CRPPA: variants seen among roughly 807,000 people sequenced by gnomAD.
The protein encoded by CRPPA is D-ribitol-5-phosphate cytidylyltransferase.
CRPPA carries 43 observed loss-of-function variants against 52.0 expected under a neutral mutation model. That is an observed-to-expected ratio of 0.83 (90% confidence interval 0.65 to 1.07). CRPPA has a LOEUF of 1.07. CRPPA is among the 50% of genes least tolerant of loss of function. CRPPA has a pLI of 0.00. For synonymous variants in CRPPA, 250 were observed against 203.5 expected, an observed-to-expected ratio of 1.23 and a Z score of -1.94; for missense variants, 629 against 551.7, an observed-to-expected ratio of 1.14 and a Z score of -1.40.
chr7:16,235,379 C>A (rs983981953), intron 8 of CRPPA, among the ~76,000 whole-genome samples: 1 of 151,818 alleles, frequency 6.6e-6, no homozygotes, highest in Non-Finnish European at 1.5e-5. Context: ...AAAGAAATGC[C>A]TAACACATGC....
rs114020698 is a variant in CRPPA, at chr7:16,170,886, G to A, written c.1251+45180C>T. ...CGAGTGTGGGGGTCCCTTCAGCCCA[G>A]GCCCACCCGGAACTTGCACTGGCCT... On this transcript the variant is annotated intron_variant, in intron 9 of 9. Coordinates refer to ENST00000407010, the MANE Select transcript of CRPPA (RefSeq NM_001101426.4). 7.0e-3 allele frequency among the ~76,000 whole-genome samples: 1,061 copies of A among 152,314 alleles called. 15 individuals carry two copies. The highest frequency in any genetic ancestry group is 0.024 in the African/African-American group (1,014 of 41,562).
At chr7:16,314,824 C>T (rs537363783) in intron 3 of CRPPA, among the ~76,000 whole-genome samples, 1 of 151,986 alleles carries the variant, frequency 6.6e-6, no homozygotes, top group East Asian at 1.9e-4. Context: ...TTGTCTTTTG[C>T]TTTTGTGTAG....
intron 3 of CRPPA, among the ~76,000 whole-genome samples, chr7:16,374,295 C>A (rs529022751): frequency 1.3e-5 from 2 of 152,236 alleles, no homozygotes; most frequent in Middle Eastern, 3.4e-3. Context: ...TACTCCTGTT[C>A]CCTCTGCCCT....
intron 1 of CRPPA, among the ~76,000 whole-genome samples, chr7:16,418,651 T>C (rs1355619633): frequency 6.6e-6 from 1 of 152,132 alleles, no homozygotes; most frequent in Non-Finnish European, 1.5e-5. Flanking sequence ...CCAGATCTCA[T>C]GAGAACTCAC....
Position 16,413,871 on chromosome 7 carries a change from C to T in CRPPA, c.257+7195G>A, listed in dbSNP as rs117084850. ...CATAATATAAACACATACAGATCTA[C>T]AAAAGTGATTTTTCTCCCCAAATTT... On this transcript the variant is annotated intron_variant, in intron 1 of 9. Transcript: ENST00000407010. Among the ~76,000 whole-genome samples the T allele has an allele frequency of 1.9e-3, 285 of 152,196 alleles. 1 individual carries two copies. Among genetic ancestry groups the T allele is most frequent in the Non-Finnish European group, 2.9e-3 (200 of 68,010 alleles).
intron 6 of CRPPA, among the ~76,000 whole-genome samples, chr7:16,264,193 T>C (rs186798455): frequency 3.9e-4 from 60 of 152,240 alleles, no homozygotes; most frequent in African/African-American, 1.3e-3. Context: ...CGCTATTAGG[T>C]TGTTTATATA....
chr7:16,213,512 G>A (rs1180183570), intron 9 of CRPPA, among the ~76,000 whole-genome samples: 2 of 152,020 alleles, frequency 1.3e-5, no homozygotes, highest in African/African-American at 4.8e-5. Context: ...ACTTTGGGAG[G>A]CTGAGGTGGG....
chr7:16,289,136 C>A (rs1176774515), intron 5 of CRPPA, among the ~76,000 whole-genome samples: 2 of 151,970 alleles, frequency 1.3e-5, no homozygotes, highest in East Asian at 1.9e-4. Context: ...ACACATACAA[C>A]CTACCAAGAT....
At chr7:16,210,543 A>C (rs1226758981) in intron 9 of CRPPA, 1 of 152,152 alleles carries the variant, frequency 6.6e-6, no homozygotes, top group Admixed American at 6.5e-5. Context: ...GAGCTCATGA[A>C]ATCATGAACT....
At chr7:16,240,572 T>TACACACACAC (rs71549978) in intron 8 of CRPPA, among the ~76,000 whole-genome samples, 4,011 of 148,090 alleles carry the variant, frequency 0.027, 68 homozygotes, top group Middle Eastern at 0.045. Context: ...TTATTACACA[T>TACACACACAC]ACACACACAC....
chr7:16,337,544 C>T (rs1224545242), intron 3 of CRPPA, among the ~76,000 whole-genome samples: 1 of 151,752 alleles, frequency 6.6e-6, no homozygotes, highest in African/African-American at 2.4e-5. Flanking sequence ...AAAGAACATC[C>T]AGGCAGAAGT....
chr7:16,323,176 G>A (rs143399651), intron 3 of CRPPA, among the ~76,000 whole-genome samples: 6 of 152,160 alleles, frequency 3.9e-5, no homozygotes, highest in African/African-American at 1.2e-4. Flanking sequence ...CAAGTCTCCA[G>A]ATAAAGAGAT....
chr7:16,148,215 T>C (rs1162020342), intron 9 of CRPPA, among the ~76,000 whole-genome samples: 1 of 152,164 alleles, frequency 6.6e-6, no homozygotes, highest in Non-Finnish European at 1.5e-5. Context: ...TTTCTCTTCC[T>C]CTTAAAAGTA....
In CRPPA at chr7:16,365,976, T is replaced by G. The variant is rs563815626; in HGVS notation, c.684+10116A>C. ...ATGTTAGTAAGTGCTTTACTCCACT[T>G]AGACTGCTAAAACAAAATATCTCAG... On this transcript the variant is annotated intron_variant, in intron 3 of 9. Coordinates refer to ENST00000407010, the MANE Select transcript of CRPPA (RefSeq NM_001101426.4). Among the ~76,000 whole-genome samples the G allele has an allele frequency of 1.8e-4, 27 of 152,316 alleles. 1 individual carries two copies. The South Asian group carries it at 5.2e-3, about 29-fold the overall frequency.
At chr7:16,371,895 A>G (rs1786758374) in intron 3 of CRPPA, among the ~76,000 whole-genome samples, 1 of 152,176 alleles carries the variant, frequency 6.6e-6, no homozygotes. Context: ...AAGGAAAGAC[A>G]CACCTAGGGA....
At chr7:16,385,185 CACA>C (rs1027070514) in intron 2 of CRPPA, among the ~76,000 whole-genome samples, 10 of 151,230 alleles carry the variant, frequency 6.6e-5, no homozygotes, top group Non-Finnish European at 1.2e-4. Flanking sequence ...CCATTAAGTA[CACA>C]ACAATTTTGT....
At chr7:16,167,423 G>T (rs1434780418) in intron 9 of CRPPA, among the ~76,000 whole-genome samples, 1 of 152,144 alleles carries the variant, frequency 6.6e-6, no homozygotes, top group Non-Finnish European at 1.5e-5. Flanking sequence ...CTATATATAA[G>T]AAGGTGATCA....
At chr7:16,215,595 T>A (rs1407251733) in intron 9 of CRPPA, among the ~76,000 whole-genome samples, 1 of 152,198 alleles carries the variant, frequency 6.6e-6, no homozygotes, top group Non-Finnish European at 1.5e-5. Context: ...TTTAGGGAGA[T>A]AAACAATTGA....
intron 5 of CRPPA, among the ~76,000 whole-genome samples, chr7:16,288,073 A>G (rs1201636111): frequency 2.6e-5 from 4 of 152,292 alleles, no homozygotes; most frequent in South Asian, 4.1e-4. Flanking sequence ...GAAACCTACC[A>G]AAACCTTGAT....
Sources: allele counts gnomAD v4.1 joint callset (sites outside exome capture counted in the v4.1 genomes callset), GRCh38; gene constraint gnomAD v4.1.1; transcripts MANE v1.5; gene names NCBI Gene and HGNC (gene_info 2026-07-23, HGNC 2026-07-21).